The following STRIP1 variants were observed in gnomAD, a reference collection of about 807,000 sequenced individuals.
STRIP1 encodes the protein striatin-interacting protein 1.
STRIP1 carries 63 observed loss-of-function variants against 106.2 expected under a neutral mutation model. That is an observed-to-expected ratio of 0.59 (90% CI 0.48 to 0.73). The LOEUF (loss-of-function observed/expected upper bound fraction) is 0.73, where lower values mean the gene tolerates loss of function less well. Among genes scored for constraint, STRIP1 ranks in the 30% least tolerant of loss-of-function variants. The pLI is 0.00. For synonymous variants in STRIP1, 390 were observed against 413.0 expected (o/e 0.94, Z 0.67); for missense variants, 857 against 1,074.8 (o/e 0.80, Z 2.83).
chr1:110,049,101 T>C lies in STRIP1; in HGVS notation c.1662-11T>C. The C allele has an allele frequency of 1.2e-6, 2 of 1,614,148 alleles. No individual in the cohort carries two copies. Among genetic ancestry groups the C allele is most frequent in the Non-Finnish European group, 1.7e-6 (2 of 1,180,016 alleles). On this transcript the variant is annotated splice_polypyrimidine_tract_variant and intron_variant, in intron 15 of 20. Transcript: ENST00000369795. ...CATGCTGGTGGCTTACCCAGGCAAT[T>C]ATGTTTCCAGCACCACAGTGTTGCA...
At position 110,034,811 on chromosome 1, in the gene STRIP1, C is replaced by T. The variant is rs750923470; in HGVS notation, c.174C>T (p.Asp58=). ...AGTTCAACCGCAACCAGCGCAAAGACTCAGAGGTCAGGAGCTTCGGGGGGC... is the reference window on the plus strand; with the variant it reads ...AGTTCAACCGCAACCAGCGCAAAGATTCAGAGGTCAGGAGCTTCGGGGGGC... The part of the protein sequence containing the change: ...AREFNRNQRK[D]SEGYSESPDL... The change falls in exon 1 of 21, where the codon GAC becomes GAT. Residue 58 remains aspartate, a synonymous_variant. Coordinates refer to ENST00000369795, the MANE Select transcript of STRIP1 (RefSeq NM_033088.4). 6.4e-6 allele frequency: 9 copies of T among 1,404,488 alleles called. No homozygotes were observed. The South Asian group carries it at 1.3e-4, about 20-fold the overall frequency. The allele number at this position is 1,404,488 out of a possible 1,614,324, so 87.0% of individuals were successfully genotyped here.
chr1:110,039,938 G>T (rs1164999127), intron 5 of STRIP1: 6 of 1,279,106 alleles, frequency 4.7e-6, no homozygotes, highest in Non-Finnish European at 6.1e-6. Flanking sequence ...CAGTGGACAG[G>T]TCAGCTGCTG....
rs951065454 is a variant in STRIP1 at position 110,034,823 on chromosome 1, G to T, written c.180+6G>T. The T allele has an allele frequency of 7.2e-7, 1 of 1,381,548 alleles. No homozygotes were observed. Among genetic ancestry groups the T allele is most frequent in the African/African-American group, 1.5e-5 (1 of 65,054 alleles). 85.6% of individuals were successfully genotyped at this position (1,381,548 alleles called of 1,614,324 possible). A position where few individuals can be genotyped will look rare whatever the true frequency, so the allele number is the denominator to read the frequency against. On this transcript the variant is annotated splice_donor_region_variant and intron_variant, in intron 1 of 20. Coordinates refer to ENST00000369795, the MANE Select transcript of STRIP1 (RefSeq NM_033088.4). The stretch of plus-strand genomic sequence containing the variant: ...ACCAGCGCAAAGACTCAGAGGTCAG[G>T]AGCTTCGGGGGGCGAGGCTCGCACC...
At chr1:110,035,681 T>A (rs1165321720) in intron 1 of STRIP1, among the ~76,000 whole-genome samples, 1 of 152,152 alleles carries the variant, frequency 6.6e-6, no homozygotes, top group East Asian at 1.9e-4. Flanking sequence ...CCAGAGCACT[T>A]ACTATGCCAT....
chr1:110,042,784 T>C, intron 8 of STRIP1: 1 of 266,940 alleles, frequency 3.7e-6, no homozygotes, highest in Admixed American at 5.3e-5. Flanking sequence ...TCTAGGAACT[T>C]GCAGGGTTAG....
chr1:110,043,650 G>C lies in STRIP1; in HGVS notation c.1080G>C (p.Lys360Asn). The C allele has an allele frequency of 6.2e-7, 1 of 1,613,816 alleles. No individual in the cohort carries two copies. Among genetic ancestry groups the C allele is most frequent in the Non-Finnish European group, 8.5e-7 (1 of 1,179,872 alleles). ...RGRREHKALI[K>N]QDNLDAFNER... Reference sequence around the variant, plus strand: ...TTCCCTGGTTTCAGGCTCTGATAAAGCAGGACAACCTAGATGCCTTCAACG... The same window carrying C: ...TTCCCTGGTTTCAGGCTCTGATAAACCAGGACAACCTAGATGCCTTCAACG... Residue 360 changes from lysine to asparagine, a missense_variant, in exon 10 of 21, where the codon AAG becomes AAC. Lys to Asn is a moderately conservative substitution (Grantham distance 94). Transcript: ENST00000369795.
chr1:110,034,803 CG>C lies in STRIP1; in HGVS notation c.167del (p.Arg56ProfsTer40). ...AGCCCGCGAGTTCAACCGCAACCAG[CG>C]CAAAGACTCAGAGGTCAGGAGCTTC... ...GKAREFNRNQ[R>X]KDSEGYSESP... On this transcript the variant is annotated frameshift_variant, in exon 1 of 21. Transcript: ENST00000369795. LOFTEE classifies it high-confidence loss of function. The C allele has an allele frequency of 7.1e-7, 1 of 1,416,070 alleles. No homozygotes were observed. The highest frequency in any genetic ancestry group is 9.2e-7 in the Non-Finnish European group (1 of 1,090,418). The allele number at this position is 1,416,070 out of a possible 1,614,324, so 87.7% of individuals were successfully genotyped here.
At position 110,039,451 on chromosome 1, in the gene STRIP1, AT is replaced by A. The variant is rs1652650809; in HGVS notation, c.518del (p.Ile173ThrfsTer17). The A allele has an allele frequency of 6.2e-7, 1 of 1,613,402 alleles. No individual in the cohort carries two copies. Among genetic ancestry groups the A allele is most frequent in the African/African-American group, 1.3e-5 (1 of 74,894 alleles). On this transcript the variant is annotated frameshift_variant, in exon 5 of 21. Transcript: ENST00000369795. LOFTEE classifies it high-confidence loss of function. ...GGTGCAGTCCTGGATGCGCTACAACATCTTTCTCCTCCTGGAGGTGGGCACG... is the reference window on the plus strand; with the variant it reads ...GGTGCAGTCCTGGATGCGCTACAACACTTTCTCCTCCTGGAGGTGGGCACG... ...AEVQSWMRYNIFLLLEVGTFN... is the reference protein window; with the variant it reads ...AEVQSWMRYNXFLLLEVGTFN...
chr1:110,039,941 A>G (rs1247589752), intron 5 of STRIP1: 1 of 1,277,150 alleles, frequency 7.8e-7, no homozygotes, highest in South Asian at 1.2e-5. Context: ...TGGACAGGTC[A>G]GCTGCTGCTC....
intron 15 of STRIP1, 56 bp from the exon 16 acceptor site, chr1:110,049,056 C>T: frequency 1.2e-6 from 2 of 1,608,352 alleles, no homozygotes; most frequent in South Asian, 1.1e-5. Context: ...TCTGTGGGCA[C>T]CTAGAAATGA....
chr1:110,045,958 G>A (rs892534986), intron 12 of STRIP1, among the ~76,000 whole-genome samples: 2 of 152,240 alleles, frequency 1.3e-5, no homozygotes, highest in African/African-American at 2.4e-5. Context: ...CATTAAGAGT[G>A]GGGAAGAGGC....
At chr1:110,047,944 G>C in intron 15 of STRIP1, 75 bp downstream of exon 15, 2 of 1,331,174 alleles carry the variant, frequency 1.5e-6, no homozygotes, top group South Asian at 2.5e-5. Flanking sequence ...CCTCTTGTCA[G>C]GTTGGTTGTT....
At chr1:110,051,398 A>C (rs1009853124) in intron 19 of STRIP1, among the ~76,000 whole-genome samples, 1 of 152,226 alleles carries the variant, frequency 6.6e-6, no homozygotes, top group Non-Finnish European at 1.5e-5. Flanking sequence ...TCCTCTGATA[A>C]CTGTGTGTAC....
chr1:110,037,992 TG>T, intron 2 of STRIP1, 32 bp downstream of exon 2: 1 of 1,503,226 alleles, frequency 6.7e-7, no homozygotes, highest in East Asian at 2.3e-5. Context: ...TATTTGGGGG[TG>T]GTTTTTTCCT....
At chr1:110,049,739 G>C (rs1424201192) in intron 17 of STRIP1, 179 bp downstream of exon 17, 3 of 580,530 alleles carry the variant, frequency 5.2e-6, no homozygotes, top group Non-Finnish European at 9.1e-6. Flanking sequence ...TGTCAAATCT[G>C]AGTCTAGCTA....
chr1:110,044,377 C>G (rs1404866734), intron 10 of STRIP1, among the ~76,000 whole-genome samples: 9 of 152,128 alleles, frequency 5.9e-5, no homozygotes, highest in Non-Finnish European at 1.3e-4. Context: ...TTTCTTGATC[C>G]AGGTAAAGCC....
upstream of STRIP1, among the ~76,000 whole-genome samples, chr1:110,032,658 A>T (rs1416641518): frequency 6.6e-6 from 1 of 152,120 alleles, no homozygotes; most frequent in Admixed American, 6.5e-5. Context: ...CAGTTGCCCA[A>T]ACCTAGATCA....
intron 1 of STRIP1, among the ~76,000 whole-genome samples, chr1:110,036,363 G>A (rs1233438495): frequency 6.6e-6 from 1 of 152,156 alleles, no homozygotes; most frequent in Non-Finnish European, 1.5e-5. Context: ...TGAGACAGGA[G>A]AATTGCTTGA....
intron 1 of STRIP1, among the ~76,000 whole-genome samples, chr1:110,035,149 G>C (rs1267770536): frequency 6.6e-6 from 1 of 152,172 alleles, no homozygotes; most frequent in Non-Finnish European, 1.5e-5. Context: ...GAGGAGTCGG[G>C]GGTCTTGGTG....
Sources: allele counts gnomAD v4.1 joint callset (sites outside exome capture counted in the v4.1 genomes callset), GRCh38; gene constraint gnomAD v4.1.1; transcripts MANE v1.5; gene names NCBI Gene and HGNC (gene_info 2026-07-23, HGNC 2026-07-21).